COP1: variants seen among roughly 807,000 people sequenced by gnomAD.
COP1 encodes the protein E3 ubiquitin-protein ligase COP1.
Under a neutral mutation model 101.3 loss-of-function variants are expected in COP1, and 24 were observed. That is an observed-to-expected ratio of 0.24 (90% CI 0.17 to 0.33). The LOEUF is 0.33. Among genes scored for constraint, COP1 ranks in the 10% least tolerant of loss-of-function variants. The pLI is 1.00. For missense variants in COP1, 663 were observed against 906.2 expected (o/e 0.73, Z 3.45); for synonymous variants, 347 against 341.9 (o/e 1.01, Z -0.17).
chr1:175,967,210 T>C (rs1558169549), intron 18 of COP1, among the ~76,000 whole-genome samples: 2 of 152,134 alleles, frequency 1.3e-5, no homozygotes, highest in Non-Finnish European at 2.9e-5. Flanking sequence ...CAATTAGTTA[T>C]AAATAAACCC....
At chr1:176,201,197 C>A (rs1053435031) in intron 1 of COP1, among the ~76,000 whole-genome samples, 30 of 151,806 alleles carry the variant, frequency 2.0e-4, no homozygotes, top group African/African-American at 6.3e-4. Context: ...AAAACAAAAA[C>A]CAAAAAAACC....
chr1:176,044,441 G>A (rs1221522377), intron 12 of COP1, among the ~76,000 whole-genome samples: 2 of 152,186 alleles, frequency 1.3e-5, no homozygotes, highest in African/African-American at 4.8e-5. Flanking sequence ...ATAGTAAAGG[G>A]AATGCATATT....
intron 9 of COP1, among the ~76,000 whole-genome samples, chr1:176,101,890 C>T (rs1683466630): frequency 6.6e-6 from 1 of 152,132 alleles, no homozygotes; most frequent in South Asian, 2.1e-4. Flanking sequence ...CAGCAGGAAG[C>T]AGTTAAGATT....
chr1:176,168,244 T>C (rs791749), intron 3 of COP1, among the ~76,000 whole-genome samples: 151,665 of 151,676 alleles, frequency 1, 75,827 homozygotes, highest in Non-Finnish European at 1. Context: ...TCTTTAGTAG[T>C]GACAGGATTT....
chr1:176,092,911 T>C (rs749503090), intron 9 of COP1, among the ~76,000 whole-genome samples: 1 of 152,128 alleles, frequency 6.6e-6, no homozygotes, highest in African/African-American at 2.4e-5. Flanking sequence ...ATGCCCTTAA[T>C]AGCAAGAACA....
At chr1:175,947,264 AG>A (rs1342320647) in intron 18 of COP1, 25 bp from the exon 19 acceptor site, 2 of 1,550,550 alleles carry the variant, frequency 1.3e-6, no homozygotes, top group Admixed American at 1.7e-5. Flanking sequence ...GAGCTTTTAA[AG>A]TATAGAGAAG....
intron 3 of COP1, among the ~76,000 whole-genome samples, chr1:176,169,929 T>C (rs952342751): frequency 8.5e-5 from 13 of 152,256 alleles, no homozygotes; most frequent in Non-Finnish European, 1.5e-5. Flanking sequence ...ACTAAGTTTA[T>C]GTAATATTCT....
chr1:176,041,104 G>C (rs2149163078), intron 14 of COP1, among the ~76,000 whole-genome samples: 1 of 152,260 alleles, frequency 6.6e-6, no homozygotes, highest in East Asian at 1.9e-4. Flanking sequence ...ACTTCGTTAA[G>C]AGATTTTAGT....
chr1:176,079,776 C>A (rs1678759255), intron 11 of COP1, among the ~76,000 whole-genome samples: 1 of 152,076 alleles, frequency 6.6e-6, no homozygotes. Context: ...AAAATCTTAA[C>A]CACTGCTGAA....
intron 10 of COP1, among the ~76,000 whole-genome samples, chr1:176,085,218 GATC>G: frequency 6.6e-6 from 1 of 151,344 alleles, no homozygotes; most frequent in South Asian, 2.1e-4. Flanking sequence ...TCCCTACACT[GATC>G]ATTCCCTTAC....
intron 1 of COP1, among the ~76,000 whole-genome samples, chr1:176,197,978 T>A (rs1699875104): frequency 1.3e-5 from 2 of 152,078 alleles, no homozygotes; most frequent in South Asian, 4.1e-4. Flanking sequence ...CTGAAAAGCA[T>A]AAACACTGCT....
At chr1:175,992,478 G>C (rs1186667036) in intron 15 of COP1, among the ~76,000 whole-genome samples, 1 of 152,214 alleles carries the variant, frequency 6.6e-6, no homozygotes, top group African/African-American at 2.4e-5. Flanking sequence ...GGGTCAGGGA[G>C]TTCCCTTTCC....
chr1:176,154,436 C>T (rs945322309), intron 5 of COP1, among the ~76,000 whole-genome samples: 13 of 152,064 alleles, frequency 8.5e-5, no homozygotes, highest in African/African-American at 9.7e-5. Flanking sequence ...GGTGTACATA[C>T]ACGATAGAAT....
At chr1:175,966,645 A>G (rs1283284019) in intron 18 of COP1, among the ~76,000 whole-genome samples, 1 of 152,234 alleles carries the variant, frequency 6.6e-6, no homozygotes, top group African/African-American at 2.4e-5. Flanking sequence ...AATGGAAGAA[A>G]GAAGAAAGGT....
At position 175,976,270 on chromosome 1, in the gene COP1, CTTTT is replaced by C. The variant is rs10694480; in HGVS notation, c.2133+10669_2133+10672del. 6.0e-4 allele frequency among the ~76,000 whole-genome samples: 34 copies of C among 56,854 alleles called. 1 individual carries two copies. Among genetic ancestry groups the C allele is most frequent in the Middle Eastern group, 0.019 (1 of 52 alleles). 37.3% of individuals were successfully genotyped at this position (56,854 alleles called of 152,430 possible). Reference sequence around the variant, plus strand: ...TAAGTCTCTATATCAATTAGTCATTCTTTTTTTTTTTTTTTTTTTTTTTTTTAGA... The same window carrying C: ...TAAGTCTCTATATCAATTAGTCATTCTTTTTTTTTTTTTTTTTTTTTTAGA... On this transcript the variant is annotated intron_variant, in intron 18 of 19. Transcript: ENST00000367669.
chr1:176,067,146 T>C (rs1676135742), intron 11 of COP1, among the ~76,000 whole-genome samples: 1 of 152,128 alleles, frequency 6.6e-6, no homozygotes, highest in African/African-American at 2.4e-5. Flanking sequence ...TATACAATAC[T>C]AAGAGTGACC....
intron 11 of COP1, among the ~76,000 whole-genome samples, chr1:176,074,295 G>A (rs1677560308): frequency 6.6e-6 from 1 of 152,130 alleles, no homozygotes; most frequent in Non-Finnish European, 1.5e-5. Context: ...AGGCGTTGAA[G>A]TAAATTTATT....
intron 2 of COP1, among the ~76,000 whole-genome samples, chr1:176,179,326 G>T (rs1697417396): frequency 6.6e-6 from 1 of 152,062 alleles, no homozygotes; most frequent in South Asian, 2.1e-4. Context: ...GATAAGAGAT[G>T]GGTTGACAGA....
In COP1 at chr1:176,002,625, T is replaced by C. The variant is rs1486162555; in HGVS notation, c.1730-13146A>G. Reference sequence around the variant, plus strand: ...TGCAGTGTTTGGTTTTTTGTTCTTGTGATAGTTTACTGAGAATGATGATTT... The same window carrying C: ...TGCAGTGTTTGGTTTTTTGTTCTTGCGATAGTTTACTGAGAATGATGATTT... On this transcript the variant is annotated intron_variant, in intron 15 of 19. Transcript: ENST00000367669. 2.3e-3 allele frequency among the ~76,000 whole-genome samples: 346 copies of C among 148,426 alleles called. 1 individual carries two copies. Among genetic ancestry groups the C allele is most frequent in the Non-Finnish European group, 4.2e-3 (280 of 67,118 alleles).
Sources: allele counts gnomAD v4.1 joint callset (sites outside exome capture counted in the v4.1 genomes callset), GRCh38; gene constraint gnomAD v4.1.1; transcripts MANE v1.5; gene names NCBI Gene and HGNC (gene_info 2026-07-23, HGNC 2026-07-21).